ZNF614: variants seen among roughly 807,000 people sequenced by gnomAD.
The protein encoded by ZNF614 is zinc finger protein 614.
ZNF614 carries 11 observed loss-of-function variants against 12.8 expected under a neutral mutation model. The observed-to-expected ratio is 0.86, with a 90% CI of 0.54 to 1.43. The LOEUF is 1.43. Among genes scored for constraint, ZNF614 ranks in the 40% most tolerant of loss-of-function variants. The pLI is 0.00. For missense variants in ZNF614, 664 were observed against 708.8 expected, an observed-to-expected ratio of 0.94 and a Z score of 0.72; for synonymous variants, 237 against 237.5, an observed-to-expected ratio of 1.00 and a Z score of 0.02.
intron 2 of ZNF614, among the ~76,000 whole-genome samples, chr19:52,025,006 G>A (rs2086962155): frequency 6.6e-6 from 1 of 152,202 alleles, no homozygotes; most frequent in South Asian, 2.1e-4. Context: ...CTACTTGGGA[G>A]GCTGAGGCAA....
intron 2 of ZNF614, among the ~76,000 whole-genome samples, chr19:52,019,022 C>G (rs2086918313): frequency 6.6e-6 from 1 of 152,100 alleles, no homozygotes; most frequent in African/African-American, 2.4e-5. Flanking sequence ...GTGGATGCTA[C>G]TACCAATTTT....
chr19:52,017,696 G>C lies in ZNF614; in HGVS notation c.238+312C>G, dbSNP rs558348343. 4.1e-5 allele frequency: 12 copies of C among 290,370 alleles called. No individual in the cohort carries two copies. In the East Asian group the frequency reaches 7.7e-4, roughly 19 times the overall value. The allele number at this position is 290,370 out of a possible 1,614,324, so 18.0% of individuals were successfully genotyped here. A position where few individuals can be genotyped will look rare whatever the true frequency, so the allele number is the denominator to read the frequency against. The stretch of plus-strand genomic sequence containing the variant: ...AGCCTGGGTGATAGAGCGAGACTCA[G>C]TCTAAAAAAAAAAAAAAAAAATCTT... On this transcript the variant is annotated intron_variant, in intron 4 of 4. Transcript: ENST00000270649.
Position 52,017,148 on chromosome 19 carries a change from A to G in ZNF614, c.450T>C (p.His150=). 3 of 1,614,158 alleles carry G rather than the reference A, an allele frequency of 1.9e-6. No individual in the cohort carries two copies. Among genetic ancestry groups the G allele is most frequent in the Non-Finnish European group, 2.5e-6 (3 of 1,180,010 alleles). Reference sequence around the variant, plus strand: ...TAAACTCAACAGGGTTATTTATTCCATGTCTTCTCTTCTGGTTGATTAAAC... The same window carrying G: ...TAAACTCAACAGGGTTATTTATTCCGTGTCTTCTCTTCTGGTTGATTAAAC... ...SLSLINQKRR[H]GINNPVEFIG... is the part of the protein sequence containing the mutation. The change falls in exon 5 of 5, where the codon CAT becomes CAC. Residue 150 remains histidine, a synonymous_variant. Coordinates refer to ENST00000270649, the MANE Select transcript of ZNF614 (RefSeq NM_025040.4).
rs559779870 is a variant in ZNF614 at position 52,026,405 on chromosome 19, G to C, written c.-216-444C>G. Among the ~76,000 whole-genome samples, 73 of 152,354 alleles carry C rather than the reference G, an allele frequency of 4.8e-4. No individual in the cohort carries two copies. The South Asian group carries it at 5.8e-3, about 12-fold the overall frequency. The stretch of plus-strand genomic sequence containing the variant: ...CAAGGTTTAATGGATTTAGGGCTGT[G>C]CAGGATGTGCTTTGTTAAAAACGTG... On this transcript the variant is annotated intron_variant, in intron 1 of 4. Coordinates refer to ENST00000270649, the MANE Select transcript of ZNF614 (RefSeq NM_025040.4).
chr19:52,019,614 C>T (rs2086921944), intron 2 of ZNF614, among the ~76,000 whole-genome samples: 1 of 152,138 alleles, frequency 6.6e-6, no homozygotes. Flanking sequence ...ATACTGATGG[C>T]TGACATTTCA....
intron 4 of ZNF614, 171 bp from the exon 5 acceptor site, chr19:52,017,530 C>T (rs1600035658): frequency 5.2e-6 from 3 of 578,586 alleles, no homozygotes; most frequent in Non-Finnish European, 5.9e-6. Context: ...GGTGAAACCC[C>T]GTCTCTACTA....
At chr19:52,027,529 A>G (rs189242969) in intron 1 of ZNF614, among the ~76,000 whole-genome samples, 376 of 152,272 alleles carry the variant, frequency 2.5e-3, no homozygotes, top group African/African-American at 8.9e-3. Flanking sequence ...GAGACCTTGG[A>G]CCACGTGGTA....
intron 2 of ZNF614, among the ~76,000 whole-genome samples, chr19:52,023,256 C>A (rs1258539722): frequency 1.3e-5 from 2 of 151,460 alleles, no homozygotes; most frequent in Non-Finnish European, 2.9e-5. Flanking sequence ...GCAACCTCCA[C>A]CTCCCGGGTT....
rs1290042644 is a variant in ZNF614, at chr19:52,017,821, G to T, written c.238+187C>A. The T allele has an allele frequency of 1.9e-5, 9 of 481,732 alleles. No homozygotes were observed. In the Admixed American group the frequency reaches 3.2e-4, roughly 17 times the overall value. The allele number at this position is 481,732 out of a possible 1,614,324, so 29.8% of individuals were successfully genotyped here. ...AAGATATAAGCTGAAATATATCCAA[G>T]AAATCAGATCCAAGAAAAGACAAAA... On this transcript the variant is annotated intron_variant, in intron 4 of 4. Coordinates refer to ENST00000270649, the MANE Select transcript of ZNF614 (RefSeq NM_025040.4).
intron 2 of ZNF614, among the ~76,000 whole-genome samples, chr19:52,019,587 C>T (rs1395788910): frequency 6.6e-6 from 1 of 152,066 alleles, no homozygotes; most frequent in African/African-American, 2.4e-5. Flanking sequence ...AGATTACCTA[C>T]AAAGAAATAA....
At chr19:52,022,342 C>T (rs2086937357) in intron 2 of ZNF614, among the ~76,000 whole-genome samples, 1 of 150,932 alleles carries the variant, frequency 6.6e-6, no homozygotes, top group African/African-American at 2.4e-5. Context: ...CCTAGCCGCC[C>T]ACCATCTGGG....
At chr19:52,018,286 T>G in intron 3 of ZNF614, 82 bp downstream of exon 3, 1 of 1,602,972 alleles carries the variant, frequency 6.2e-7, no homozygotes, top group Admixed American at 1.7e-5. Flanking sequence ...CCACAGTGAC[T>G]GTAAAGCTTT....
Position 52,016,033 on chromosome 19 carries a change from G to T in ZNF614, c.1565C>A (p.Thr522Lys), listed in dbSNP as rs1414629775. Reference sequence around the variant, plus strand: ...TTGATGTACATTGAGTACTGACTTTGTGGTGAAGGCTTTTCCACATTCATT... The same window carrying T: ...TTGATGTACATTGAGTACTGACTTTTTGGTGAAGGCTTTTCCACATTCATT... ...ECNECGKAFT[T>K]KSVLNVHQRT... Residue 522 changes from threonine to lysine, a missense_variant, in exon 5 of 5, where the codon ACA becomes AAA. By Grantham distance (78) the Thr-to-Lys change is moderately conservative. Transcript: ENST00000270649. The T allele has an allele frequency of 1.9e-6, 3 of 1,614,184 alleles. No homozygotes were observed. Among genetic ancestry groups the T allele is most frequent in the South Asian group, 2.2e-5 (2 of 91,086 alleles).
intron 1 of ZNF614, among the ~76,000 whole-genome samples, chr19:52,027,532 A>G (rs2086983229): frequency 6.6e-6 from 1 of 152,190 alleles, no homozygotes. Context: ...ACCTTGGACC[A>G]CGTGGTATTA....
intron 1 of ZNF614, among the ~76,000 whole-genome samples, chr19:52,026,370 T>C (rs979582495): frequency 2.0e-5 from 3 of 152,258 alleles, no homozygotes; most frequent in Non-Finnish European, 1.5e-5. Flanking sequence ...AGACATGTGC[T>C]GTGTTGACTC....
intron 2 of ZNF614, 105 bp from the exon 3 acceptor site, chr19:52,018,599 T>A (rs2086915698): frequency 8.2e-7 from 1 of 1,215,910 alleles, no homozygotes; most frequent in East Asian, 2.6e-5. Flanking sequence ...GCATCTATAT[T>A]CCTTTCTCAA....
chr19:52,025,812 A>G lies in ZNF614; in HGVS notation c.-67T>C. ...CGTCTTTGTCTCTTCTGCATTTGCC[A>G]TGAAGTTTTTGAAGTTTTCCTAGTC... On this transcript the variant is annotated 5_prime_UTR_variant, in exon 2 of 5. The change abolishes an upstream ATG in the 5' untranslated region. Transcript: ENST00000270649. 6.4e-7 allele frequency: 1 copy of G among 1,571,876 alleles called. No homozygotes were observed. The highest frequency in any genetic ancestry group is 8.7e-7 in the Non-Finnish European group (1 of 1,155,746).
Position 52,017,348 on chromosome 19 carries a change from C to T in ZNF614, c.250G>A (p.Val84Ile). Residue 84 changes from valine to isoleucine, a missense_variant, in exon 5 of 5, where the codon GTT becomes ATT. Coordinates refer to ENST00000270649, the MANE Select transcript of ZNF614 (RefSeq NM_025040.4). Reference protein sequence around the residue: ...QNKNCPGIGKVDSHLQEHSPN... With the variant: ...QNKNCPGIGKIDSHLQEHSPN... ...GAGTGCTCTTGCAGATGACTGTCAA[C>T]TTTCCCGATTCCTAAGAAAGAACAG... 6.3e-7 allele frequency: 1 copy of T among 1,593,946 alleles called. No individual in the cohort carries two copies. Among genetic ancestry groups the T allele is most frequent in the Non-Finnish European group, 8.5e-7 (1 of 1,171,418 alleles).
intron 2 of ZNF614, among the ~76,000 whole-genome samples, chr19:52,024,943 G>A (rs1248821680): frequency 1.3e-5 from 2 of 152,148 alleles, no homozygotes; most frequent in Non-Finnish European, 2.9e-5. Flanking sequence ...ATTAGAAAAA[G>A]AGGAAGGCCT....
Sources: gnomAD v4.1 joint callset for allele counts (sites outside exome capture counted in the v4.1 genomes callset) on GRCh38, gnomAD v4.1.1 for gene constraint, MANE v1.5 for transcripts, NCBI Gene and HGNC (gene_info 2026-07-23, HGNC 2026-07-21) for gene names.